VWC2L: variants seen among roughly 807,000 people sequenced by gnomAD.
VWC2L encodes von Willebrand factor C domain-containing protein 2-like.
VWC2L carries 10 observed loss-of-function variants against 21.6 expected under a neutral mutation model. That is an observed-to-expected ratio of 0.46 (90% CI 0.29 to 0.78). The LOEUF (loss-of-function observed/expected upper bound fraction) is 0.78. Ranked by LOEUF, VWC2L falls within the 30% of genes least tolerant of loss-of-function variation. The probability of loss-of-function intolerance (pLI) is 0.10; values close to 1 mark genes in which losing one functional copy is unlikely to be tolerated. For synonymous variants in VWC2L, 96 were observed against 94.3 expected (o/e 1.02, Z -0.10); for missense variants, 209 against 277.1 (o/e 0.75, Z 1.74).
intron 2 of VWC2L, among the ~76,000 whole-genome samples, chr2:214,416,383 T>C (rs1285242960): frequency 6.6e-6 from 1 of 152,074 alleles, no homozygotes; most frequent in East Asian, 1.9e-4. Flanking sequence ...TCCCTACTAC[T>C]TCTTTCCTAA....
chr2:214,433,476 T>G (rs1411798440), intron 2 of VWC2L, among the ~76,000 whole-genome samples: 1 of 152,172 alleles, frequency 6.6e-6, no homozygotes, highest in Non-Finnish European at 1.5e-5. Context: ...TCTTTCAGTA[T>G]TCTCTGTTTC....
intron 3 of VWC2L, among the ~76,000 whole-genome samples, chr2:214,486,028 C>CT (rs1024975752): frequency 6.6e-5 from 10 of 151,310 alleles, no homozygotes; most frequent in African/African-American, 2.5e-4. Flanking sequence ...ATTAAGTGGT[C>CT]TTTTTTCTTC....
chr2:214,549,513 G>A (rs565232593), intron 3 of VWC2L, among the ~76,000 whole-genome samples: 2 of 152,236 alleles, frequency 1.3e-5, no homozygotes, highest in African/African-American at 4.8e-5. Flanking sequence ...AGTGGCTCAC[G>A]ACTGTAATCC....
chr2:214,506,260 C>T (rs762317541), intron 3 of VWC2L, among the ~76,000 whole-genome samples: 11 of 152,138 alleles, frequency 7.2e-5, no homozygotes, highest in Non-Finnish European at 1.5e-4. Context: ...GGATTTATAT[C>T]TGTAGCATTT....
chr2:214,515,820 G>T (rs982753675), intron 3 of VWC2L, among the ~76,000 whole-genome samples: 2 of 152,170 alleles, frequency 1.3e-5, no homozygotes, highest in African/African-American at 2.4e-5. Context: ...CTCCCAAAGT[G>T]CTGGGATTAC....
Position 214,414,475 on chromosome 2 carries a change from C to T in VWC2L, c.282C>T (p.His94=). The T allele has an allele frequency of 6.2e-7, 1 of 1,613,452 alleles. No homozygotes were observed. Among genetic ancestry groups the T allele is most frequent in the African/African-American group, 1.3e-5 (1 of 74,980 alleles). The change falls in exon 2 of 4, where the codon CAC becomes CAT. Residue 94 remains histidine (H), a synonymous_variant. Transcript: ENST00000312504. ...VCDQPECPKI[H]PKCTKVEHNG... ...ACCAACCAGAATGCCCTAAAATTCACCCAAAGTGTACTAAAGTGGAACACA... is the reference window on the plus strand; with the variant it reads ...ACCAACCAGAATGCCCTAAAATTCATCCAAAGTGTACTAAAGTGGAACACA...
intron 3 of VWC2L, among the ~76,000 whole-genome samples, chr2:214,493,233 G>A (rs1459924100): frequency 1.3e-5 from 2 of 152,092 alleles, no homozygotes; most frequent in African/African-American, 2.4e-5. Context: ...GAACTTTATG[G>A]CTTCTGAGAA....
At chr2:214,452,755 A>G (rs1702994560) in intron 3 of VWC2L, among the ~76,000 whole-genome samples, 2 of 152,134 alleles carry the variant, frequency 1.3e-5, no homozygotes, top group Non-Finnish European at 2.9e-5. Flanking sequence ...TGGAATTACC[A>G]GTCTTGTTTA....
At position 214,448,892 on chromosome 2, in the gene VWC2L, C is replaced by T. The variant is rs140236848; in HGVS notation, c.520+12134C>T. Among the ~76,000 whole-genome samples, 518 of 152,244 alleles carry T rather than the reference C, an allele frequency of 3.4e-3. 2 individuals carry two copies. Among genetic ancestry groups the T allele is most frequent in the Non-Finnish European group, 4.9e-3 (336 of 68,018 alleles). On this transcript the variant is annotated intron_variant, in intron 3 of 3. Coordinates refer to ENST00000312504, the MANE Select transcript of VWC2L (RefSeq NM_001080500.4). Reference sequence around the variant, plus strand: ...CCTTAGAAGGTACCATCAGCAAACACCCCTTTCCATCCTATTCTCCCAGCA... The same window carrying T: ...CCTTAGAAGGTACCATCAGCAAACATCCCTTTCCATCCTATTCTCCCAGCA...
At chr2:214,527,316 G>T (rs541449967) in intron 3 of VWC2L, among the ~76,000 whole-genome samples, 1 of 152,148 alleles carries the variant, frequency 6.6e-6, no homozygotes, top group African/African-American at 2.4e-5. Context: ...TGGTTGACAG[G>T]ATCATTTGTA....
At chr2:214,536,925 G>C (rs1164810881) in intron 3 of VWC2L, 4 of 150,582 alleles carry the variant, frequency 2.7e-5, no homozygotes, top group African/African-American at 9.8e-5. Context: ...TCTCCCTCTT[G>C]TCGTCTCTGT....
At chr2:214,492,546 G>T (rs990555772) in intron 3 of VWC2L, among the ~76,000 whole-genome samples, 1 of 152,150 alleles carries the variant, frequency 6.6e-6, no homozygotes, top group African/African-American at 2.4e-5. Context: ...GACAACCAAA[G>T]AAGAAAATGG....
intron 3 of VWC2L, among the ~76,000 whole-genome samples, chr2:214,570,861 A>T (rs1690139715): frequency 6.6e-6 from 1 of 152,106 alleles, no homozygotes; most frequent in Non-Finnish European, 1.5e-5. Context: ...ACTTGAGCTG[A>T]TAAGTCATAG....
chr2:214,537,049 G>GA (rs1395478670), intron 3 of VWC2L, among the ~76,000 whole-genome samples: 5 of 150,822 alleles, frequency 3.3e-5, no homozygotes, highest in Non-Finnish European at 7.4e-5. Flanking sequence ...TAATTACCTC[G>GA]GGGCTCATTC....
intron 3 of VWC2L, among the ~76,000 whole-genome samples, chr2:214,569,743 C>A (rs1690122487): frequency 6.6e-6 from 1 of 152,160 alleles, no homozygotes; most frequent in Non-Finnish European, 1.5e-5. Context: ...ACACACCCAG[C>A]CTTTCCATAG....
At chr2:214,445,275 T>C (rs1024569378) in intron 3 of VWC2L, among the ~76,000 whole-genome samples, 6 of 151,902 alleles carry the variant, frequency 3.9e-5, no homozygotes, top group Admixed American at 3.9e-4. Flanking sequence ...TTTTAAATGG[T>C]GTATATGGAT....
chr2:214,436,487 G>C, intron 2 of VWC2L, 142 bp from the exon 3 acceptor site: 22 of 1,110,878 alleles, frequency 2.0e-5, no homozygotes, highest in Non-Finnish European at 2.6e-5. Context: ...TCCACCAAGG[G>C]AGAATGATCG....
chr2:214,558,469 T>C (rs1469570700), intron 3 of VWC2L, among the ~76,000 whole-genome samples: 4 of 152,192 alleles, frequency 2.6e-5, no homozygotes, highest in African/African-American at 4.8e-5. Context: ...CTGCCCCTTC[T>C]CCAGCATTCC....
At chr2:214,530,453 G>A (rs2105915679) in intron 3 of VWC2L, among the ~76,000 whole-genome samples, 1 of 152,254 alleles carries the variant, frequency 6.6e-6, no homozygotes, top group East Asian at 1.9e-4. Context: ...ATTAGGTAAT[G>A]TTTGCCTGTG....
Sources: gnomAD v4.1 joint callset for allele counts (sites outside exome capture counted in the v4.1 genomes callset) on GRCh38, gnomAD v4.1.1 for gene constraint, MANE v1.5 for transcripts, NCBI Gene and HGNC (gene_info 2026-07-23, HGNC 2026-07-21) for gene names.